The following DBI variants were observed in gnomAD, a reference collection of about 807,000 sequenced individuals.
The protein encoded by DBI is acyl-CoA-binding protein.
Under a neutral mutation model 13.0 loss-of-function variants are expected in DBI, and 12 were observed. The observed-to-expected ratio is 0.92, with a 90% CI of 0.59 to 1.49. The LOEUF is 1.49. Among genes scored for constraint, DBI ranks in the 40% most tolerant of loss-of-function variants. The probability of loss-of-function intolerance (pLI) is 0.00; values close to 1 mark genes in which losing one functional copy is unlikely to be tolerated. For missense variants in DBI, 95 were observed against 104.8 expected (o/e 0.91, Z 0.41); for synonymous variants, 37 against 37.4 (o/e 0.99, Z 0.04).
At position 119,372,266 on chromosome 2, in the gene DBI, T is replaced by G; in HGVS notation, c.212T>G (p.Met71Arg). 6.2e-7 allele frequency: 1 copy of G among 1,613,664 alleles called. No individual in the cohort carries two copies. The highest frequency in any genetic ancestry group is 8.5e-7 in the Non-Finnish European group (1 of 1,179,632). The change falls in exon 4 of 4, where the codon ATG (methionine) becomes AGG (arginine). Residue 71 changes from methionine to arginine, a missense_variant. Physicochemically the swap from Met to Arg is moderately conservative, Grantham distance 91 (BLOSUM62 -1). Coordinates refer to ENST00000355857, the MANE Select transcript of DBI (RefSeq NM_001079862.4). The stretch of plus-strand genomic sequence containing the variant: ...ACAGGGACTTCCAAGGAAGATGCCA[T>G]GAAAGCTTACATCAACAAAGTAGAA... ...ELKGTSKEDAMKAYINKVEEL... is the reference protein window; with the variant it reads ...ELKGTSKEDARKAYINKVEEL...
At chr2:119,368,014 C>G in intron 1 of DBI, 174 bp from the exon 2 acceptor site, 1 of 1,601,082 alleles carries the variant, frequency 6.2e-7, no homozygotes, top group Non-Finnish European at 8.6e-7. Context: ...ATCTTTCTAG[C>G]TGCCCTGTTG....
chr2:119,367,501 G>A, intron 1 of DBI: 1 of 1,601,294 alleles, frequency 6.2e-7, no homozygotes, highest in Non-Finnish European at 8.5e-7. Flanking sequence ...CAGAGTGCGG[G>A]ACGAGGAGAA....
intron 1 of DBI, chr2:119,367,893 C>G: frequency 1.9e-6 from 3 of 1,614,238 alleles, no homozygotes; most frequent in Non-Finnish European, 2.5e-6. Flanking sequence ...TTGGCCTGCC[C>G]TCTTCACTGC....
intron 2 of DBI, among the ~76,000 whole-genome samples, chr2:119,369,690 G>A (rs772901959): frequency 1.2e-4 from 19 of 152,174 alleles, no homozygotes; most frequent in Non-Finnish European, 2.6e-4. Context: ...GGAGGCTGAG[G>A]CAGGAGAATC....
At chr2:119,367,406 A>G (rs1681095549) in intron 1 of DBI, 2 of 1,490,016 alleles carry the variant, frequency 1.3e-6, no homozygotes, top group Non-Finnish European at 1.8e-6. Flanking sequence ...CCCGAAGCAC[A>G]GGGCAGGACG....
chr2:119,372,512 A>T lies in DBI; in HGVS notation c.*194A>T, dbSNP rs1681599533. ...ACTTTCCTTGAGTAGTTTTTATCTG[A>T]AATCAATTAAAAGTGTATTTGTTAC... On this transcript the variant is annotated 3_prime_UTR_variant, in exon 4 of 4. Coordinates refer to ENST00000355857, the MANE Select transcript of DBI (RefSeq NM_001079862.4). The T allele has an allele frequency of 2.0e-6, 1 of 495,942 alleles. No homozygotes were observed. Among genetic ancestry groups the T allele is most frequent in the Non-Finnish European group, 3.7e-6 (1 of 273,582 alleles). The allele number at this position is 495,942 out of a possible 1,614,324, so 30.7% of individuals were successfully genotyped here. A position where few individuals can be genotyped will look rare whatever the true frequency, so the allele number is the denominator to read the frequency against.
chr2:119,372,427 C>A lies in DBI; in HGVS notation c.*109C>A. The A allele has an allele frequency of 1.2e-6, 1 of 829,380 alleles. No homozygotes were observed. Among genetic ancestry groups the A allele is most frequent in the Non-Finnish European group, 2.0e-6 (1 of 497,670 alleles). 51.4% of individuals were successfully genotyped at this position (829,380 alleles called of 1,614,324 possible). ...AATTCGGGAAAATAACCAGTTAAAC[C>A]AGCTACTCAAGGCTGCTCACCATAC... On this transcript the variant is annotated 3_prime_UTR_variant, in exon 4 of 4. Transcript: ENST00000355857.
At position 119,370,812 on chromosome 2, in the gene DBI, C is replaced by G. The variant is rs756860393; in HGVS notation, c.190+10C>G. The G allele has an allele frequency of 2.5e-6, 4 of 1,611,324 alleles. No individual in the cohort carries two copies. Among genetic ancestry groups the G allele is most frequent in the Non-Finnish European group, 3.4e-6 (4 of 1,177,998 alleles). ...TGGAATGAGCTGAAAGGTAATTGTT[C>G]TAATCAATTTCTCTCATTTGTGAAA... On this transcript the variant is annotated intron_variant, in intron 3 of 3. Coordinates refer to ENST00000355857, the MANE Select transcript of DBI (RefSeq NM_001079862.4).
chr2:119,371,996 G>A lies in DBI; in HGVS notation c.191-249G>A, dbSNP rs149220139. 2.1e-3 allele frequency among the ~76,000 whole-genome samples: 319 copies of A among 152,332 alleles called. 1 individual carries two copies. Among genetic ancestry groups the A allele is most frequent in the African/African-American group, 7.0e-3 (290 of 41,560 alleles). ...CATTCCCCCAGGACAGGTGGGGGAC[G>A]CAGGTGTCCAGCAGATGGGCGACAG... On this transcript the variant is annotated intron_variant, in intron 3 of 3. Transcript: ENST00000355857.
chr2:119,371,000 C>T (rs758761077), intron 3 of DBI, among the ~76,000 whole-genome samples, 198 bp downstream of exon 3: 1 of 152,162 alleles, frequency 6.6e-6, no homozygotes, highest in Non-Finnish European at 1.5e-5. Context: ...CTAAAAGCAC[C>T]ATCTCTGAGC....
At chr2:119,367,932 G>T in intron 1 of DBI, 1 of 1,614,252 alleles carries the variant, frequency 6.2e-7, no homozygotes, top group Non-Finnish European at 8.5e-7. Context: ...GCCTGCGTTT[G>T]TGAGAGCTCT....
intron 2 of DBI, among the ~76,000 whole-genome samples, chr2:119,369,672 G>C (rs1681371085): frequency 2.0e-5 from 3 of 152,268 alleles, no homozygotes; most frequent in Admixed American, 6.5e-5. Context: ...TGTAGTCCCA[G>C]CTACTTGGGA....
chr2:119,368,644 G>C lies in DBI; in HGVS notation c.127+339G>C, dbSNP rs899114684. On this transcript the variant is annotated intron_variant, in intron 2 of 3. Transcript: ENST00000355857. ...AGCCGTTCAGCTTCTGCCCTAGATG[G>C]GCAGGATCAAAGTTGGAGCACTTTT... 7 of 213,828 alleles carry C rather than the reference G, an allele frequency of 3.3e-5. No individual in the cohort carries two copies. In the East Asian group the frequency reaches 7.1e-4, roughly 22 times the overall value. The allele number at this position is 213,828 out of a possible 1,614,324, so 13.2% of individuals were successfully genotyped here.
At chr2:119,367,554 T>C in intron 1 of DBI, 1 of 1,613,876 alleles carries the variant, frequency 6.2e-7, no homozygotes, top group Non-Finnish European at 8.5e-7. Context: ...CTCCCTTCTC[T>C]CCAGTGTAGA....
In DBI at chr2:119,368,211, G is replaced by C; in HGVS notation, c.33G>C (p.Glu11Asp). Residue 11 changes from glutamate (E) to aspartate (D), a missense_variant, in exon 2 of 4, where the codon GAG becomes GAC. By Grantham distance (45) the Glu-to-Asp change is conservative. Coordinates refer to ENST00000355857, the MANE Select transcript of DBI (RefSeq NM_001079862.4). MSQAEFEKAAEEVRHLKTKPS... is the reference protein window; with the variant it reads MSQAEFEKAADEVRHLKTKPS... ...AGGCTGAGTTTGAGAAAGCTGCAGA[G>C]GAGGTTAGGCACCTTAAGACCAAGC... The C allele has an allele frequency of 6.2e-7, 1 of 1,613,734 alleles. No homozygotes were observed. The highest frequency in any genetic ancestry group is 8.5e-7 in the Non-Finnish European group (1 of 1,180,018).
chr2:119,370,277 T>C (rs530832777), intron 2 of DBI: 2 of 152,426 alleles, frequency 1.3e-5, no homozygotes, highest in Non-Finnish European at 2.9e-5. Context: ...AACAATTCGG[T>C]AGAAAAATGG....
At chr2:119,368,031 G>A (rs1356058216) in intron 1 of DBI, 157 bp from the exon 2 acceptor site, 4 of 1,562,002 alleles carry the variant, frequency 2.6e-6, no homozygotes, top group Non-Finnish European at 3.5e-6. Context: ...GTTGGGGCAG[G>A]GAGGGGCAGA....
At chr2:119,372,187 G>C in intron 3 of DBI, 58 bp from the exon 4 acceptor site, 1 of 1,320,316 alleles carries the variant, frequency 7.6e-7, no homozygotes, top group Non-Finnish European at 1.1e-6. Context: ...GGCTCTGGAG[G>C]CTGCTTGTTT....
In DBI at chr2:119,372,446, A is replaced by G. The variant is rs1050698; in HGVS notation, c.*128A>G. ...TTAAACCAGCTACTCAAGGCTGCTC[A>G]CCATACGGCTCTAACAGATTAGGGG... is the stretch of plus-strand genomic sequence containing the variant. On this transcript the variant is annotated 3_prime_UTR_variant, in exon 4 of 4. Transcript: ENST00000355857. 3.0e-6 allele frequency: 2 copies of G among 677,324 alleles called. No individual in the cohort carries two copies. The highest frequency in any genetic ancestry group is 5.2e-6 in the Non-Finnish European group (2 of 381,234). The allele number at this position is 677,324 out of a possible 1,614,324, so 42.0% of individuals were successfully genotyped here.
Sources: gnomAD v4.1 joint callset for allele counts (sites outside exome capture counted in the v4.1 genomes callset) on GRCh38, gnomAD v4.1.1 for gene constraint, MANE v1.5 for transcripts, NCBI Gene and HGNC (gene_info 2026-07-23, HGNC 2026-07-21) for gene names.